The following CFAP44 variants were observed in gnomAD, a reference collection of about 807,000 sequenced individuals.
CFAP44 encodes cilia- and flagella-associated protein 44.
In CFAP44, 134 loss-of-function variants were observed where a neutral mutation model predicts 216.2. The observed-to-expected ratio is 0.62, with a 90% CI of 0.54 to 0.72. CFAP44 has a LOEUF of 0.72. CFAP44 is among the 30% of genes least tolerant of loss of function. The pLI is 0.00. For synonymous variants in CFAP44, 700 were observed against 727.6 expected, an observed-to-expected ratio of 0.96 and a Z score of 0.61; for missense variants, 2,035 against 2,182.1, an observed-to-expected ratio of 0.93 and a Z score of 1.34.
intron 15 of CFAP44, among the ~76,000 whole-genome samples, chr3:113,393,863 G>C (rs74913420): frequency 0.019 from 2,878 of 152,108 alleles, 40 homozygotes; most frequent in Non-Finnish European, 0.03. Context: ...TCTCTATACA[G>C]GCTAACTCCT....
At chr3:113,407,113 A>G (rs1934306366) in intron 7 of CFAP44, 72 bp from the exon 8 acceptor site, 1 of 1,102,964 alleles carries the variant, frequency 9.1e-7, no homozygotes, top group South Asian at 1.3e-5. Context: ...TGACCCAAAC[A>G]TTTACATATT....
At chr3:113,439,377 C>T (rs1935306958) in intron 1 of CFAP44, among the ~76,000 whole-genome samples, 1 of 152,152 alleles carries the variant, frequency 6.6e-6, no homozygotes, top group Non-Finnish European at 1.5e-5. Context: ...CCATCACAAC[C>T]TTACACATAA....
chr3:113,334,321 C>T (rs1371308119), intron 24 of CFAP44, among the ~76,000 whole-genome samples: 1 of 152,134 alleles, frequency 6.6e-6, no homozygotes, highest in African/African-American at 2.4e-5. Context: ...AAGATGATAG[C>T]ATGAGCATAC....
intron 17 of CFAP44, among the ~76,000 whole-genome samples, chr3:113,376,982 T>C (rs1488234708): frequency 1.3e-5 from 2 of 151,932 alleles, no homozygotes; most frequent in Non-Finnish European, 2.9e-5. Flanking sequence ...CCTTGGAGAG[T>C]TGCAGGAGAC....
chr3:113,330,929 G>A (rs1333373482), intron 25 of CFAP44, among the ~76,000 whole-genome samples: 1 of 152,024 alleles, frequency 6.6e-6, no homozygotes, highest in East Asian at 1.9e-4. Context: ...CCTCCAGCTG[G>A]CTCGTGTGGC....
intron 11 of CFAP44, 142 bp downstream of exon 11, chr3:113,401,098 T>C (rs957008171): frequency 1.4e-5 from 9 of 663,814 alleles, no homozygotes; most frequent in Non-Finnish European, 2.0e-5. Flanking sequence ...AGAGAGAGAA[T>C]TCTCAAGAGT....
chr3:113,433,994 C>A, intron 1 of CFAP44: 1 of 213,842 alleles, frequency 4.7e-6, no homozygotes, highest in Non-Finnish European at 9.4e-6. Flanking sequence ...GCCATCCTAC[C>A]TTTGGTCCAT....
chr3:113,404,135 A>T lies in CFAP44; in HGVS notation c.1006-119T>A, dbSNP rs575613799. The T allele has an allele frequency of 3.3e-6, 4 of 1,201,772 alleles. No individual in the cohort carries two copies. In the East Asian group the frequency reaches 8.4e-5, roughly 25 times the overall value. 74.4% of individuals were successfully genotyped at this position (1,201,772 alleles called of 1,614,324 possible). ...TATCTTTATTGATTATAAAATTTTTAAATGGAAAAATAAAAAAATACAGAA... is the reference window on the plus strand; with the variant it reads ...TATCTTTATTGATTATAAAATTTTTTAATGGAAAAATAAAAAAATACAGAA... On this transcript the variant is annotated intron_variant, in intron 8 of 34. Transcript: ENST00000393845.
At chr3:113,304,720 G>C (rs1949968876) in intron 31 of CFAP44, among the ~76,000 whole-genome samples, 1 of 152,198 alleles carries the variant, frequency 6.6e-6, no homozygotes, top group Non-Finnish European at 1.5e-5. Flanking sequence ...GGTGTGAAAA[G>C]TGGCATGGGT....
In CFAP44 at chr3:113,426,141, C is replaced by A. The variant is rs768426729; in HGVS notation, c.390G>T (p.Leu130=). ...PFVTLDSNIP[L]DLLTLVHSFG... ...GTGGATACACAAGTGTGAGAAGATC[C>A]AGTGGTATGTTTGAATCCAGAGTCA... The change falls in exon 4 of 35, where the codon CTG becomes CTT. Residue 130 remains leucine (L), a synonymous_variant. Coordinates refer to ENST00000393845, the MANE Select transcript of CFAP44 (RefSeq NM_001164496.2). 3 of 1,613,898 alleles carry A rather than the reference C, an allele frequency of 1.9e-6. No individual in the cohort carries two copies. Among genetic ancestry groups the A allele is most frequent in the Non-Finnish European group, 2.5e-6 (3 of 1,179,902 alleles).
At chr3:113,440,674 C>A (rs1241786130) in intron 1 of CFAP44, among the ~76,000 whole-genome samples, 1 of 152,166 alleles carries the variant, frequency 6.6e-6, no homozygotes, top group Non-Finnish European at 1.5e-5. Flanking sequence ...ATTTCTAAAA[C>A]ACAGCTTTTA....
At chr3:113,313,097 G>A (rs539717265) in intron 28 of CFAP44, among the ~76,000 whole-genome samples, 14 of 152,096 alleles carry the variant, frequency 9.2e-5, no homozygotes, top group Admixed American at 1.3e-4. Flanking sequence ...TGGAAAAGCC[G>A]CAGACGCTCA....
Position 113,308,138 on chromosome 3 carries a change from C to T in CFAP44, c.4627+20G>A, listed in dbSNP as rs372930453. The T allele has an allele frequency of 6.4e-5, 97 of 1,515,120 alleles. No homozygotes were observed. The African/African-American group carries it at 7.6e-4, about 12-fold the overall frequency. 93.9% of individuals were successfully genotyped at this position (1,515,120 alleles called of 1,614,324 possible). ...CAATATTCACACTTCACAGAGAACA[C>T]GTGGTTTTATCTAACTTACTTGTTG... is the stretch of plus-strand genomic sequence containing the variant. On this transcript the variant is annotated intron_variant, in intron 29 of 34. Coordinates refer to ENST00000393845, the MANE Select transcript of CFAP44 (RefSeq NM_001164496.2).
intron 23 of CFAP44, among the ~76,000 whole-genome samples, chr3:113,342,837 T>TAAA (rs545239420): frequency 0.064 from 8,957 of 140,966 alleles, 545 homozygotes; most frequent in African/African-American, 0.15. Context: ...TAAAAATACA[T>TAAA]AAAAAAAAAA....
At chr3:113,293,468 G>A (rs1221429838) in intron 34 of CFAP44, among the ~76,000 whole-genome samples, 3 of 147,678 alleles carry the variant, frequency 2.0e-5, no homozygotes, top group African/African-American at 5.3e-5. Context: ...TATGTGAAGA[G>A]GCCATACATG....
At chr3:113,425,387 A>G (rs112111777) in intron 4 of CFAP44, among the ~76,000 whole-genome samples, 1,923 of 152,256 alleles carry the variant, frequency 0.013, 35 homozygotes, top group African/African-American at 0.043. Context: ...TTTTCTAACT[A>G]CCCGCATTGC....
intron 6 of CFAP44, among the ~76,000 whole-genome samples, chr3:113,415,221 CT>C (rs1185972899): frequency 1.8e-4 from 28 of 151,870 alleles, no homozygotes; most frequent in Admixed American, 1.6e-3. Flanking sequence ...CCCTTTATTA[CT>C]TTTTATTGCA....
intron 34 of CFAP44, among the ~76,000 whole-genome samples, chr3:113,292,188 T>C (rs1252359948): frequency 6.6e-6 from 1 of 151,486 alleles, no homozygotes; most frequent in Non-Finnish European, 1.5e-5. Context: ...CCCCATGGAC[T>C]AGGTTAGGAT....
intron 5 of CFAP44, among the ~76,000 whole-genome samples, 158 bp downstream of exon 5, chr3:113,419,859 G>A (rs1430503386): frequency 1.3e-5 from 2 of 152,192 alleles, no homozygotes; most frequent in Non-Finnish European, 2.9e-5. Context: ...TGTAATAACT[G>A]AATTGAAAAT....
Sources: gnomAD v4.1 joint callset for allele counts (sites outside exome capture counted in the v4.1 genomes callset) on GRCh38, gnomAD v4.1.1 for gene constraint, MANE v1.5 for transcripts, NCBI Gene and HGNC (gene_info 2026-07-23, HGNC 2026-07-21) for gene names.